Variants in AMPD3 observed in about 807,000 individuals in gnomAD.
AMPD3 encodes the protein AMP deaminase 3.
A neutral mutation model predicts 82.3 loss-of-function variants in AMPD3; 57 were observed. That is an observed-to-expected ratio of 0.69 (90% CI 0.56 to 0.86). The LOEUF is 0.86. AMPD3 is among the 40% of genes least tolerant of loss of function. AMPD3 has a pLI of 0.00. For missense variants in AMPD3, 870 were observed against 1,003.8 expected (o/e 0.87, Z 1.80); for synonymous variants, 381 against 394.7 (o/e 0.97, Z 0.41).
chr11:10,455,135 C>T, upstream of AMPD3: 1 of 985,374 alleles, frequency 1.0e-6, no homozygotes, highest in Non-Finnish European at 1.2e-6. Context: ...CTGACCCATC[C>T]TTCCTGAGCT....
chr11:10,507,048 T>C lies in AMPD3; in HGVS notation c.*1164T>C, dbSNP rs527268959. Reference sequence around the variant, plus strand: ...TTTTAAAGATTAATCTGAATTAAGCTTTATCAGTGTACTCTTTATCTGTGT... The same window carrying C: ...TTTTAAAGATTAATCTGAATTAAGCCTTATCAGTGTACTCTTTATCTGTGT... On this transcript the variant is annotated 3_prime_UTR_variant, in exon 15 of 15. Transcript: ENST00000396553. 1.3e-5 allele frequency: 2 copies of C among 152,628 alleles called. No homozygotes were observed. Among genetic ancestry groups the C allele is most frequent in the South Asian group, 2.1e-4 (1 of 4,832 alleles). The allele number at this position is 152,628 out of a possible 1,614,324, so 9.5% of individuals were successfully genotyped here.
chr11:10,504,536 G>A lies in AMPD3; in HGVS notation c.2017-13G>A, dbSNP rs767383684. On this transcript the variant is annotated splice_polypyrimidine_tract_variant and intron_variant, in intron 13 of 14. Coordinates refer to ENST00000396553, the MANE Select transcript of AMPD3 (RefSeq NM_001025389.2). ...CCCCCCTTCTAATCCACATGCTTTGGGGGAGGATCTAGGAAGCACTTATGG... is the reference window on the plus strand; with the variant it reads ...CCCCCCTTCTAATCCACATGCTTTGAGGGAGGATCTAGGAAGCACTTATGG... The A allele has an allele frequency of 4.4e-6, 7 of 1,609,122 alleles. No homozygotes were observed. Among genetic ancestry groups the A allele is most frequent in the Non-Finnish European group, 6.0e-6 (7 of 1,175,452 alleles).
chr11:10,460,494 C>T (rs1277562363), intron 1 of AMPD3, among the ~76,000 whole-genome samples: 2 of 151,676 alleles, frequency 1.3e-5, no homozygotes, highest in African/African-American at 4.9e-5. Context: ...GCAACCTTCA[C>T]CTCCTAGGTT....
chr11:10,454,674 T>C (rs193177236), upstream of AMPD3, among the ~76,000 whole-genome samples: 1 of 152,296 alleles, frequency 6.6e-6, no homozygotes, highest in East Asian at 1.9e-4. Flanking sequence ...CGGTTAAAGG[T>C]GCAGAATAAA....
chr11:10,481,074 T>C (rs1848890156), intron 3 of AMPD3, among the ~76,000 whole-genome samples: 1 of 152,214 alleles, frequency 6.6e-6, no homozygotes, highest in African/African-American at 2.4e-5. Flanking sequence ...GAAATTTGAC[T>C]CTGTAGCTTC....
chr11:10,471,997 A>G (rs1848605726), intron 2 of AMPD3, among the ~76,000 whole-genome samples: 1 of 152,226 alleles, frequency 6.6e-6, no homozygotes, highest in South Asian at 2.1e-4. Flanking sequence ...ATGCACACGT[A>G]TGTTTATTGC....
At chr11:10,461,937 C>A (rs1848283375) in intron 2 of AMPD3, among the ~76,000 whole-genome samples, 197 bp downstream of exon 2, 1 of 152,132 alleles carries the variant, frequency 6.6e-6, no homozygotes, top group Admixed American at 6.5e-5. Context: ...CTGAAAAGAT[C>A]AAAACCCACT....
chr11:10,482,501 C>T (rs1041657192), intron 4 of AMPD3, among the ~76,000 whole-genome samples: 16 of 152,002 alleles, frequency 1.1e-4, no homozygotes, highest in African/African-American at 3.9e-4. Flanking sequence ...CAGGGAGTCT[C>T]ATGTGGGAAT....
chr11:10,472,416 C>T (rs949131521), intron 2 of AMPD3, among the ~76,000 whole-genome samples: 2 of 151,874 alleles, frequency 1.3e-5, no homozygotes, highest in African/African-American at 4.8e-5. Context: ...ACATTCTTTA[C>T]ATGTACCCCA....
chr11:10,461,870 C>T (rs911002202), intron 2 of AMPD3, 130 bp downstream of exon 2: 1 of 861,406 alleles, frequency 1.2e-6, no homozygotes, highest in Non-Finnish European at 1.9e-6. Context: ...GTTCCTTAAC[C>T]AAGACCACTT....
At chr11:10,461,368 G>C (rs1183762173) in intron 1 of AMPD3, 147 bp from the exon 2 acceptor site, 47 of 1,594,648 alleles carry the variant, frequency 2.9e-5, no homozygotes, top group Non-Finnish European at 3.9e-5. Context: ...TTTTGAAATT[G>C]GCATGCTGGG....
chr11:10,454,131 C>G (rs568832769), upstream of AMPD3, among the ~76,000 whole-genome samples: 1 of 152,288 alleles, frequency 6.6e-6, no homozygotes, highest in Admixed American at 6.5e-5. Context: ...AAGTTAGGCT[C>G]AAGGTGGAAT....
upstream of AMPD3, among the ~76,000 whole-genome samples, chr11:10,452,509 G>C (rs1056603031): frequency 4.6e-5 from 7 of 152,044 alleles, no homozygotes; most frequent in Admixed American, 2.6e-4. Context: ...ACCATTCATA[G>C]GGGAGAAGGA....
At chr11:10,485,119 C>A in intron 5 of AMPD3, 80 bp downstream of exon 5, 1 of 1,350,178 alleles carries the variant, frequency 7.4e-7, no homozygotes, top group Non-Finnish European at 1.0e-6. Context: ...CCTCACCCCT[C>A]TGCCCTGGGG....
In AMPD3 at chr11:10,464,267, G is replaced by C. The variant is rs149253364; in HGVS notation, c.221+2527G>C. On this transcript the variant is annotated intron_variant, in intron 2 of 14. Transcript: ENST00000396553. ...TATGGGCTAAGTACTAGCCTGTGTA[G>C]GTTGGATTCATTCTTTAATTCTCAC... 4.6e-3 allele frequency among the ~76,000 whole-genome samples: 705 copies of C among 152,304 alleles called. 6 individuals carry two copies. The highest frequency in any genetic ancestry group is 7.3e-3 in the Admixed American group (112 of 15,298).
At chr11:10,452,570 T>C (rs572633722), upstream of AMPD3, among the ~76,000 whole-genome samples, 8 of 152,266 alleles carry the variant, frequency 5.3e-5, no homozygotes, top group African/African-American at 1.7e-4. Context: ...TCCTTCTTCC[T>C]GCACCCAGGT....
chr11:10,505,335 T>C (rs1196226140), intron 14 of AMPD3: 47 of 985,148 alleles, frequency 4.8e-5, no homozygotes, highest in Non-Finnish European at 5.7e-5. Flanking sequence ...TGTGGTGCCT[T>C]GGATTGGCCC....
intron 4 of AMPD3, among the ~76,000 whole-genome samples, chr11:10,483,328 C>A (rs1468278564): frequency 6.6e-6 from 1 of 152,132 alleles, no homozygotes; most frequent in Non-Finnish European, 1.5e-5. Context: ...TGGTGGTCTC[C>A]ATCAATGCCT....
At chr11:10,500,493 A>T in intron 11 of AMPD3, 4 of 659,774 alleles carry the variant, frequency 6.1e-6, no homozygotes, top group Non-Finnish European at 7.5e-6. Context: ...GTACAGACAT[A>T]TGTCATGTAC....
Sources: allele counts gnomAD v4.1 joint callset (sites outside exome capture counted in the v4.1 genomes callset), GRCh38; gene constraint gnomAD v4.1.1; transcripts MANE v1.5; gene names NCBI Gene and HGNC (gene_info 2026-07-23, HGNC 2026-07-21).